DLX2: variants seen among roughly 807,000 people sequenced by gnomAD.
The protein encoded by DLX2 is distal-less homeobox 2, also known as homeobox protein DLX-2.
Under a neutral mutation model 27.4 loss-of-function variants are expected in DLX2, and 8 were observed. The observed-to-expected ratio is 0.29, with a 90% CI of 0.17 to 0.53. DLX2 has a LOEUF of 0.53. DLX2 is among the 20% of genes least tolerant of loss of function. The pLI is 0.96. For synonymous variants in DLX2, 210 were observed against 200.8 expected (o/e 1.05, Z -0.39); for missense variants, 421 against 450.9 (o/e 0.93, Z 0.60).
Position 172,100,567 on chromosome 2 carries a change from C to T in DLX2, c.963G>A (p.Pro321=), listed in dbSNP as rs1184703021. The T allele has an allele frequency of 6.3e-7, 1 of 1,577,688 alleles. No homozygotes were observed. The highest frequency in any genetic ancestry group is 2.4e-5 in the East Asian group (1 of 41,674). Residue 321 remains proline, a synonymous_variant, in exon 3 of 3, where the codon CCG becomes CCA. Transcript: ENST00000234198. This position sits in a 1 kb window ranked among gnomAD's most constrained non-coding sequence, Gnocchi z 4.5. The stretch of plus-strand genomic sequence containing the variant: ...GTTAGAAAATCGTCCCCGCGCTCAC[C>T]GGGGCGCCCCCGCCGCCGTGATGGT... ...HHHHHGGGGA[P]VSAGTIF is the part of the protein sequence containing the mutation.
intron 2 of DLX2, 65 bp downstream of exon 2, chr2:172,101,397 A>C (rs1208468735): frequency 1.4e-6 from 2 of 1,478,398 alleles, no homozygotes; most frequent in African/African-American, 2.8e-5. Flanking sequence ...ATTGTCCTAA[A>C]CCCGCCTGCT....
intron 2 of DLX2, 25 bp downstream of exon 2, chr2:172,101,437 C>A: frequency 3.2e-6 from 5 of 1,577,106 alleles, no homozygotes; most frequent in Middle Eastern, 1.7e-4. Context: ...GCGCTCTCCT[C>A]GCCCCTGCAG....
chr2:172,100,765 C>G lies in DLX2; in HGVS notation c.765G>C (p.Pro255=), dbSNP rs1026442621. 7.0e-6 allele frequency: 11 copies of G among 1,574,746 alleles called. No homozygotes were observed. The highest frequency in any genetic ancestry group is 5.6e-5 in the Admixed American group (3 of 53,102). Residue 255 remains proline, a synonymous_variant, in exon 3 of 3, where the codon CCG becomes CCC. Coordinates refer to ENST00000234198, the MANE Select transcript of DLX2 (RefSeq NM_004405.4). This position sits in a 1 kb window ranked among gnomAD's most constrained non-coding sequence, Gnocchi z 4.5. ...VPQRMAGGGG[P]GSGGSGAGSS... ...TGCCGGCGCCGCTGCCGCCACTGCC[C>G]GGACCACCGCCGCCCGCCATCCGCT...
In DLX2 at chr2:172,102,059, C is replaced by T. The variant is rs564702490; in HGVS notation, c.400+80G>A. ...CGTGAAAATCCAGAGCTTTCGAAGG[C>T]CCCCCGCCCCAAACACGTTTACCCA... On this transcript the variant is annotated intron_variant, in intron 1 of 2. Coordinates refer to ENST00000234198, the MANE Select transcript of DLX2 (RefSeq NM_004405.4). 2.6e-5 allele frequency: 40 copies of T among 1,535,036 alleles called. 1 individual carries two copies. In the South Asian group the frequency reaches 4.5e-4, roughly 17 times the overall value.
intron 2 of DLX2, 86 bp downstream of exon 2, chr2:172,101,376 C>T (rs1408514857): frequency 7.3e-7 from 1 of 1,370,224 alleles, no homozygotes; most frequent in South Asian, 1.3e-5. Flanking sequence ...TTAAAATGAA[C>T]TTTAAAAAGC....
rs1691138824 is a variant in DLX2 at position 172,100,745 on chromosome 2, G to GCGCCGCTGC, written c.776_784dup (p.Gly259_Gly261dup). The GCGCCGCTGC allele has an allele frequency of 2.6e-6, 4 of 1,551,406 alleles. No individual in the cohort carries two copies. The South Asian group carries it at 3.5e-5, about 14-fold the overall frequency. ...GCTCGGGCTGGAGCCCGAGCTGCCG[G>GCGCCGCTGC]CGCCGCTGCCGCCACTGCCCGGACC... On this transcript the variant is annotated inframe_insertion, in exon 3 of 3. Transcript: ENST00000234198. This position sits in a 1 kb window ranked among gnomAD's most constrained non-coding sequence, Gnocchi z 4.5.
chr2:172,102,834 C>A lies in DLX2; in HGVS notation c.-296G>T. On this transcript the variant is annotated 5_prime_UTR_variant, in exon 1 of 3. Transcript: ENST00000234198. Reference sequence around the variant, plus strand: ...CGGGCAGTGGAGGGGGCAGGGGTGGCTGGGCCGGGTCGGGGCTCTGGGAGG... The same window carrying A: ...CGGGCAGTGGAGGGGGCAGGGGTGGATGGGCCGGGTCGGGGCTCTGGGAGG... The A allele has an allele frequency of 5.0e-6, 1 of 198,504 alleles. No individual in the cohort carries two copies. The highest frequency in any genetic ancestry group is 9.8e-6 in the Non-Finnish European group (1 of 102,020). The allele number at this position is 198,504 out of a possible 1,614,324, so 12.3% of individuals were successfully genotyped here.
Position 172,102,715 on chromosome 2 carries a change from G to T in DLX2, c.-177C>A, listed in dbSNP as rs543628594. ...CCTCCGGGGGAGGCGATCACCGTGC[G>T]CTGCTCGGGACAGCTGCCTCTGGTC... On this transcript the variant is annotated 5_prime_UTR_variant, in exon 1 of 3. Transcript: ENST00000234198. 81 of 624,886 alleles carry T rather than the reference G, an allele frequency of 1.3e-4. No homozygotes were observed. In the African/African-American group the frequency reaches 1.4e-3, roughly 11 times the overall value. 38.7% of individuals were successfully genotyped at this position (624,886 alleles called of 1,614,324 possible).
Position 172,102,304 on chromosome 2 carries a change from C to A in DLX2, c.235G>T (p.Gly79Cys). The change falls in exon 1 of 3, where the codon GGC (glycine) becomes TGC (cysteine). Residue 79 changes from glycine (G) to cysteine (C), a missense_variant. Gly to Cys is a radical substitution (Grantham distance 159). Around this residue, in one of 5 missense-constraint regions of DLX2, gnomAD observed 141 missense variants for 123.5 expected, o/e 1.14. Transcript: ENST00000234198. ...NQQHPAGGGG[G>C]GGSPYAHMGS... is the part of the protein sequence containing the mutation. ...ATGTGCGCGTAGGGCGAGCCCCCGC[C>A]GCCGCCGCCGCCCGCCGGGTGCTGC... The A allele has an allele frequency of 6.2e-7, 1 of 1,609,066 alleles. No homozygotes were observed. The highest frequency in any genetic ancestry group is 8.5e-7 in the Non-Finnish European group (1 of 1,177,974).
At chr2:172,101,061 G>T (rs923783989) in intron 2 of DLX2, 117 bp from the exon 3 acceptor site, 3 of 1,123,448 alleles carry the variant, frequency 2.7e-6, no homozygotes, top group African/African-American at 3.2e-5. Context: ...GGCAGCGAGC[G>T]CCCTGGGGAG....
At position 172,100,459 on chromosome 2, in the gene DLX2, G is replaced by T; in HGVS notation, c.*84C>A. The T allele has an allele frequency of 1.4e-6, 2 of 1,418,610 alleles. No individual in the cohort carries two copies. Among genetic ancestry groups the T allele is most frequent in the Non-Finnish European group, 1.9e-6 (2 of 1,069,410 alleles). The allele number at this position is 1,418,610 out of a possible 1,614,324, so 87.9% of individuals were successfully genotyped here. ...CAGGAGAGGTGGGTGGCGGCAGCGG[G>T]CCGGGAGGAGGGAACCCCGGCTCGG... is the stretch of plus-strand genomic sequence containing the variant. On this transcript the variant is annotated 3_prime_UTR_variant, in exon 3 of 3. Coordinates refer to ENST00000234198, the MANE Select transcript of DLX2 (RefSeq NM_004405.4). The surrounding 1 kb of genome is among the most constrained non-coding windows in gnomAD (Gnocchi z 4.5).
In DLX2 at chr2:172,102,746, C is replaced by T; in HGVS notation, c.-208G>A. The T allele has an allele frequency of 1.9e-6, 1 of 515,688 alleles. No homozygotes were observed. The highest frequency in any genetic ancestry group is 3.4e-5 in the East Asian group (1 of 29,274). 31.9% of individuals were successfully genotyped at this position (515,688 alleles called of 1,614,324 possible). On this transcript the variant is annotated 5_prime_UTR_variant, in exon 1 of 3. Transcript: ENST00000234198. Reference sequence around the variant, plus strand: ...CGGGACAGCTGCCTCTGGTCGCATCCTCTTTCGGCCTCTGGGCCCGCTCGG... The same window carrying T: ...CGGGACAGCTGCCTCTGGTCGCATCTTCTTTCGGCCTCTGGGCCCGCTCGG...
At position 172,102,703 on chromosome 2, in the gene DLX2, C is replaced by A. The variant is rs1192491417; in HGVS notation, c.-165G>T. 3 of 658,948 alleles carry A rather than the reference C, an allele frequency of 4.6e-6. No individual in the cohort carries two copies. Among genetic ancestry groups the A allele is most frequent in the Admixed American group, 3.4e-5 (1 of 29,502 alleles). The allele number at this position is 658,948 out of a possible 1,614,324, so 40.8% of individuals were successfully genotyped here. On this transcript the variant is annotated 5_prime_UTR_variant, in exon 1 of 3. Transcript: ENST00000234198. ...TAGGCGCCTCCTCCTCCGGGGGAGG[C>A]GATCACCGTGCGCTGCTCGGGACAG...
In DLX2 at chr2:172,101,279, C is replaced by T. The variant is rs1691152352; in HGVS notation, c.585+183G>A. 4 of 697,092 alleles carry T rather than the reference C, an allele frequency of 5.7e-6. No homozygotes were observed. The South Asian group carries it at 5.9e-5, about 10-fold the overall frequency. The allele number at this position is 697,092 out of a possible 1,614,324, so 43.2% of individuals were successfully genotyped here. A position where few individuals can be genotyped will look rare whatever the true frequency, so the allele number is the denominator to read the frequency against. On this transcript the variant is annotated intron_variant, in intron 2 of 2. Coordinates refer to ENST00000234198, the MANE Select transcript of DLX2 (RefSeq NM_004405.4). The stretch of plus-strand genomic sequence containing the variant: ...ACCCGGTCCCTTTCCTTCCCTCCCA[C>T]GGCGGCCCCTTGGGGGTTTCCAGCT...
rs1192491417 is a variant in DLX2 at position 172,102,703 on chromosome 2, C to G, written c.-165G>C. ...TAGGCGCCTCCTCCTCCGGGGGAGG[C>G]GATCACCGTGCGCTGCTCGGGACAG... On this transcript the variant is annotated 5_prime_UTR_variant, in exon 1 of 3. Transcript: ENST00000234198. 6 of 659,066 alleles carry G rather than the reference C, an allele frequency of 9.1e-6. No homozygotes were observed. The highest frequency in any genetic ancestry group is 4.1e-5 in the South Asian group (2 of 48,302). The allele number at this position is 659,066 out of a possible 1,614,324, so 40.8% of individuals were successfully genotyped here.
In DLX2 at chr2:172,102,825, C is replaced by A. The variant is rs1691191770; in HGVS notation, c.-287G>T. The stretch of plus-strand genomic sequence containing the variant: ...GGCGGGGGGCGGGCAGTGGAGGGGG[C>A]AGGGGTGGCTGGGCCGGGTCGGGGC... On this transcript the variant is annotated 5_prime_UTR_variant, in exon 1 of 3. Coordinates refer to ENST00000234198, the MANE Select transcript of DLX2 (RefSeq NM_004405.4). The A allele has an allele frequency of 2.4e-5, 6 of 249,380 alleles. No individual in the cohort carries two copies. The highest frequency in any genetic ancestry group is 1.5e-4 in the East Asian group (2 of 13,396). The allele number at this position is 249,380 out of a possible 1,614,324, so 15.4% of individuals were successfully genotyped here. A position where few individuals can be genotyped will look rare whatever the true frequency, so the allele number is the denominator to read the frequency against.
In DLX2 at chr2:172,101,584, G is replaced by A; in HGVS notation, c.463C>T (p.Pro155Ser). 1 of 1,614,254 alleles carries A rather than the reference G, an allele frequency of 6.2e-7. No homozygotes were observed. Reference protein sequence around the residue: ...VNGKPKKVRKPRTIYSSFQLA... With the variant: ...VNGKPKKVRKSRTIYSSFQLA... The stretch of plus-strand genomic sequence containing the variant: ...TGGAAACTGGAGTAGATGGTGCGGG[G>A]TTTCCGGACTTTCTTTGGCTTCCCG... The change falls in exon 2 of 3, where the codon CCC becomes TCC. Residue 155 changes from proline to serine, a missense_variant. By Grantham distance (74) the Pro-to-Ser change is moderately conservative. This residue lies in a region of DLX2 where 36 missense variants were observed against 73.6 expected (regional missense o/e 0.49). Coordinates refer to ENST00000234198, the MANE Select transcript of DLX2 (RefSeq NM_004405.4).
chr2:172,101,177 T>C (rs1691150125), intron 2 of DLX2: 1 of 615,358 alleles, frequency 1.6e-6, no homozygotes. Flanking sequence ...ACTGTGATGA[T>C]GGTGACAGCG....
intron 1 of DLX2, 69 bp from the exon 2 acceptor site, chr2:172,101,715 C>A: frequency 6.6e-7 from 1 of 1,507,222 alleles, no homozygotes; most frequent in Non-Finnish European, 9.0e-7. Context: ...TCCTAGAGGG[C>A]CCGGCGGGGG....
Sources: allele counts gnomAD v4.1 joint callset, GRCh38; gene constraint gnomAD v4.1.1; regional missense constraint gnomAD v4.1.1; non-coding constraint Gnocchi (gnomAD v3.1); transcripts MANE v1.5; gene names NCBI Gene and HGNC (gene_info 2026-07-23, HGNC 2026-07-21).